The following PHKB variants were observed in gnomAD, a reference collection of about 807,000 sequenced individuals.
PHKB encodes the protein phosphorylase kinase regulatory subunit beta.
A neutral mutation model predicts 152.1 loss-of-function variants in PHKB; 122 were observed. That is an observed-to-expected ratio of 0.80 (90% CI 0.69 to 0.93). The LOEUF is 0.93. PHKB is among the 40% of genes least tolerant of loss of function. The pLI, the probability that PHKB is intolerant of heterozygous loss-of-function variation, is 0.00. For synonymous variants in PHKB, 436 were observed against 464.9 expected, an observed-to-expected ratio of 0.94 and a Z score of 0.80; for missense variants, 1,304 against 1,328.4, an observed-to-expected ratio of 0.98 and a Z score of 0.29.
intron 25 of PHKB, among the ~76,000 whole-genome samples, chr16:47,668,117 T>C (rs1218679076): frequency 6.6e-6 from 1 of 152,216 alleles, no homozygotes; most frequent in Non-Finnish European, 1.5e-5. Context: ...AATGCCACCC[T>C]AAGCACTGAA....
intron 30 of PHKB, 81 bp downstream of exon 30, chr16:47,698,669 T>C: frequency 8.3e-7 from 1 of 1,206,868 alleles, no homozygotes; most frequent in South Asian, 1.5e-5. Flanking sequence ...CCTAATCTCT[T>C]TTCATTTACT....
chr16:47,471,469 G>A (rs142516295), intron 1 of PHKB, among the ~76,000 whole-genome samples: 9 of 152,158 alleles, frequency 5.9e-5, no homozygotes, highest in African/African-American at 1.9e-4. Context: ...ACAAAAAGGC[G>A]GGGAGCAACC....
intron 1 of PHKB, chr16:47,464,026 G>A (rs1045194352): frequency 2.3e-6 from 3 of 1,318,742 alleles, no homozygotes; most frequent in East Asian, 4.6e-5. Context: ...GGGTCACTTG[G>A]TAATTTTAAA....
chr16:47,593,377 C>A (rs1159443738), intron 10 of PHKB, 123 bp from the exon 11 acceptor site: 13 of 644,540 alleles, frequency 2.0e-5, no homozygotes, highest in Admixed American at 1.6e-4. Flanking sequence ...GAGGGCAAGG[C>A]TGCAGAGAGC....
intron 14 of PHKB, among the ~76,000 whole-genome samples, chr16:47,635,869 T>C (rs1972910225): frequency 6.6e-6 from 1 of 152,244 alleles, no homozygotes; most frequent in Non-Finnish European, 1.5e-5. Flanking sequence ...GATAAAGCAC[T>C]TAAGCAGTTC....
intron 4 of PHKB, chr16:47,505,315 A>G (rs998277783): frequency 1.3e-5 from 2 of 152,192 alleles, no homozygotes; most frequent in African/African-American, 2.4e-5. Flanking sequence ...AAGGTGCCCA[A>G]TGCCCACACA....
chr16:47,632,576 G>A (rs1972845847), intron 14 of PHKB, among the ~76,000 whole-genome samples: 1 of 152,200 alleles, frequency 6.6e-6, no homozygotes, highest in Non-Finnish European at 1.5e-5. Context: ...AATCATAGCA[G>A]TGATTGGTTG....
At chr16:47,616,652 A>G (rs1437991007) in intron 14 of PHKB, among the ~76,000 whole-genome samples, 1 of 147,242 alleles carries the variant, frequency 6.8e-6, no homozygotes, top group Non-Finnish European at 1.5e-5. Flanking sequence ...ACATATAAAT[A>G]TCATATATTA....
intron 11 of PHKB, 143 bp from the exon 12 acceptor site, chr16:47,593,994 A>AT (rs1034975844): frequency 2.3e-5 from 14 of 609,492 alleles, no homozygotes; most frequent in Admixed American, 1.2e-4. Context: ...ACAGATTTGC[A>AT]TTTTTTTTCC....
At chr16:47,596,573 T>C (rs761142206) in intron 13 of PHKB, 42 bp downstream of exon 13, 1 of 1,577,168 alleles carries the variant, frequency 6.3e-7, no homozygotes, top group South Asian at 1.1e-5. Context: ...TTCCTTGTTA[T>C]TAAGCTATTA....
intron 25 of PHKB, 60 bp downstream of exon 25, chr16:47,665,035 C>A: frequency 9.4e-7 from 1 of 1,059,592 alleles, no homozygotes; most frequent in Non-Finnish European, 1.5e-6. Context: ...TATTTGCACT[C>A]TGAAGGTTAA....
intron 24 of PHKB, 119 bp from the exon 25 acceptor site, chr16:47,664,766 A>G (rs1973507781): frequency 2.7e-6 from 2 of 728,738 alleles, no homozygotes; most frequent in Non-Finnish European, 2.5e-6. Flanking sequence ...CACTTTATGC[A>G]TTTCAGATAA....
At chr16:47,468,662 AAAT>A (rs1465051355) in intron 1 of PHKB, among the ~76,000 whole-genome samples, 1 of 152,060 alleles carries the variant, frequency 6.6e-6, no homozygotes, top group Non-Finnish European at 1.5e-5. Context: ...TCACAAAATA[AAAT>A]AAATAAATAA....
At chr16:47,620,547 T>C (rs1360997826) in intron 14 of PHKB, among the ~76,000 whole-genome samples, 1 of 152,252 alleles carries the variant, frequency 6.6e-6, no homozygotes, top group African/African-American at 2.4e-5. Flanking sequence ...GGCTTCATTC[T>C]TTCCCACAGT....
intron 7 of PHKB, among the ~76,000 whole-genome samples, chr16:47,554,966 A>T (rs1451461176): frequency 6.6e-6 from 1 of 152,190 alleles, no homozygotes; most frequent in Non-Finnish European, 1.5e-5. Flanking sequence ...CTATTTGGCC[A>T]TCTTGCCAGA....
At position 47,669,430 on chromosome 16, in the gene PHKB, C is replaced by T. The variant is rs1232174146; in HGVS notation, c.2630+13C>T. 2 of 1,610,670 alleles carry T rather than the reference C, an allele frequency of 1.2e-6. No homozygotes were observed. Among genetic ancestry groups the T allele is most frequent in the African/African-American group, 1.3e-5 (1 of 74,814 alleles). On this transcript the variant is annotated intron_variant, in intron 26 of 30. Coordinates refer to ENST00000323584, the MANE Select transcript of PHKB (RefSeq NM_000293.3). ...AAATACGAATCGGGTGAGTGAAGTC[C>T]TTTGCATTTGCATAAAGAGAATTGT...
intron 6 of PHKB, among the ~76,000 whole-genome samples, chr16:47,543,466 T>A (rs1388785543): frequency 6.6e-6 from 1 of 152,214 alleles, no homozygotes; most frequent in Non-Finnish European, 1.5e-5. Flanking sequence ...AATTCTCTTT[T>A]TTTTCTTGTG....
rs185185535 is a variant in PHKB, at chr16:47,537,457, T to C, written c.595-9976T>C. Reference sequence around the variant, plus strand: ...CTCAGGGAAACTGGGCCCCTTCTGATTGGCTGCTGTGAATCTCCTGCTTTT... The same window carrying C: ...CTCAGGGAAACTGGGCCCCTTCTGACTGGCTGCTGTGAATCTCCTGCTTTT... On this transcript the variant is annotated intron_variant, in intron 6 of 30. Transcript: ENST00000323584. 2.6e-5 allele frequency among the ~76,000 whole-genome samples: 4 copies of C among 152,340 alleles called. No homozygotes were observed. The East Asian group carries it at 7.7e-4, about 29-fold the overall frequency.
chr16:47,531,741 A>C (rs965876108), intron 6 of PHKB, among the ~76,000 whole-genome samples: 10 of 152,308 alleles, frequency 6.6e-5, no homozygotes, highest in Admixed American at 3.9e-4. Flanking sequence ...CGTTTGTGAG[A>C]CAATGAGAGG....
Sources: gnomAD v4.1 joint callset for allele counts (sites outside exome capture counted in the v4.1 genomes callset) on GRCh38, gnomAD v4.1.1 for gene constraint, MANE v1.5 for transcripts, NCBI Gene and HGNC (gene_info 2026-07-23, HGNC 2026-07-21) for gene names.